The following MROH1 variants were observed in gnomAD, a reference collection of about 807,000 sequenced individuals.
MROH1 encodes maestro heat like repeat family member 1.
In MROH1, 117 loss-of-function variants were observed where a neutral mutation model predicts 116.5. That is an observed-to-expected ratio of 1.00 (90% CI 0.86 to 1.17). The LOEUF (loss-of-function observed/expected upper bound fraction) is 1.17, where lower values mean the gene tolerates loss of function less well. MROH1 is among the 50% of genes most tolerant of loss of function. The pLI is 0.00. For missense variants in MROH1, 1,873 were observed against 1,338.5 expected (o/e 1.40, Z -6.23); for synonymous variants, 921 against 583.9 (o/e 1.58, Z -8.32).
At chr8:144,258,739 G>T in intron 35 of MROH1, 38 bp from the exon 36 acceptor site, 2 of 746,844 alleles carry the variant, frequency 2.7e-6, no homozygotes, top group Admixed American at 1.8e-5. Context: ...AGGTAGGCGT[G>T]TGTGCCCTAC....
intron 13 of MROH1, among the ~76,000 whole-genome samples, chr8:144,222,495 C>T (rs560596718): frequency 5.3e-5 from 8 of 152,202 alleles, no homozygotes; most frequent in African/African-American, 1.9e-4. Flanking sequence ...CAGACACAGG[C>T]GCAGGTGCAG....
intron 14 of MROH1, among the ~76,000 whole-genome samples, chr8:144,235,898 A>G (rs975933956): frequency 1.3e-5 from 2 of 152,232 alleles, no homozygotes; most frequent in Non-Finnish European, 2.9e-5. Flanking sequence ...GTGTCCCTTT[A>G]TCACTGACTA....
chr8:144,199,842 G>A (rs1830713080), intron 11 of MROH1, among the ~76,000 whole-genome samples: 1 of 152,198 alleles, frequency 6.6e-6, no homozygotes, highest in Admixed American at 6.5e-5. Context: ...GAGGGGTGTG[G>A]GGAGACTGAC....
chr8:144,186,413 C>T lies in MROH1; in HGVS notation c.563-4371C>T, dbSNP rs565473966. 1.4e-3 allele frequency among the ~76,000 whole-genome samples: 216 copies of T among 152,214 alleles called. 1 individual carries two copies. Among genetic ancestry groups the T allele is most frequent in the Non-Finnish European group, 1.8e-3 (122 of 68,004 alleles). ...CTGGGATTACAGGCATGAGCCACTG[C>T]GCCCGGCCCCAAATTATTTTTGTGA... On this transcript the variant is annotated intron_variant, in intron 7 of 43. Transcript: ENST00000326134.
At chr8:144,223,370 T>C in intron 14 of MROH1, 140 bp downstream of exon 14, 1 of 1,130,138 alleles carries the variant, frequency 8.8e-7, no homozygotes. Context: ...CTCTGCTGTC[T>C]TTTGTTTAAT....
chr8:144,200,226 C>T (rs973994781), intron 11 of MROH1, among the ~76,000 whole-genome samples: 6 of 152,256 alleles, frequency 3.9e-5, no homozygotes, highest in Non-Finnish European at 5.9e-5. Flanking sequence ...GTGCTGGCGC[C>T]GTGGGATAAG....
intron 10 of MROH1, among the ~76,000 whole-genome samples, chr8:144,195,672 T>TA (rs1176006334): frequency 6.6e-6 from 1 of 151,920 alleles, no homozygotes; most frequent in African/African-American, 2.4e-5. Flanking sequence ...TTGTATTATA[T>TA]ATGTAAAAAT....
chr8:144,260,960 C>T lies in MROH1; in HGVS notation c.4590C>T (p.Leu1530=). 1.3e-6 allele frequency: 1 copy of T among 777,734 alleles called. No homozygotes were observed. 48.2% of individuals were successfully genotyped at this position (777,734 alleles called of 1,614,324 possible). The change falls in exon 41 of 44, where the codon CTC becomes CTT. Residue 1530 remains leucine (L), a synonymous_variant. Transcript: ENST00000326134. ...MCGPNLACEE[L]SAAFQKHLQE... is the part of the protein sequence containing the mutation. ...GCCCCAATCTGGCATGTGAGGAGCTCTCAGCTGCTTTCCAGAAACACCTGC... is the reference window on the plus strand; with the variant it reads ...GCCCCAATCTGGCATGTGAGGAGCTTTCAGCTGCTTTCCAGAAACACCTGC...
intron 14 of MROH1, among the ~76,000 whole-genome samples, chr8:144,225,219 C>A (rs570570547): frequency 7.9e-5 from 12 of 152,136 alleles, no homozygotes. Flanking sequence ...TTCTTGTGCC[C>A]ATTTTCAAAT....
At chr8:144,157,958 T>TGAGCCAC (rs1253256024) in intron 1 of MROH1, among the ~76,000 whole-genome samples, 1 of 150,650 alleles carries the variant, frequency 6.6e-6, no homozygotes, top group Non-Finnish European at 1.5e-5. Context: ...ATTACAGGCA[T>TGAGCCAC]GAGCCACTGC....
chr8:144,166,425 G>A (rs1031630542), intron 3 of MROH1, among the ~76,000 whole-genome samples: 6 of 152,194 alleles, frequency 3.9e-5, no homozygotes, highest in African/African-American at 1.2e-4. Flanking sequence ...CGCAGGCCCC[G>A]GTTCAGCTCT....
intron 12 of MROH1, among the ~76,000 whole-genome samples, chr8:144,201,764 G>C (rs915691888): frequency 1.4e-4 from 22 of 152,152 alleles, no homozygotes; most frequent in South Asian, 1.0e-3. Context: ...TGTAATCCCA[G>C]CACTTTGGGA....
intron 14 of MROH1, among the ~76,000 whole-genome samples, chr8:144,235,209 T>C (rs1839850073): frequency 1.3e-5 from 2 of 152,258 alleles, no homozygotes; most frequent in Admixed American, 6.5e-5. Context: ...AATTATTCTT[T>C]CATATCGATC....
chr8:144,218,978 G>A (rs1262094098), intron 12 of MROH1, among the ~76,000 whole-genome samples: 1 of 138,844 alleles, frequency 7.2e-6, no homozygotes, highest in Non-Finnish European at 1.5e-5. Context: ...GGGACTATAG[G>A]TGTGCACTAC....
chr8:144,181,788 G>A (rs1825780943), intron 7 of MROH1, among the ~76,000 whole-genome samples: 1 of 152,180 alleles, frequency 6.6e-6, no homozygotes, highest in East Asian at 1.9e-4. Flanking sequence ...GGCGGAGACA[G>A]AACGGGGCCG....
At position 144,241,349 on chromosome 8, in the gene MROH1, G is replaced by A. The variant is rs1257197774; in HGVS notation, c.2056-46G>A. On this transcript the variant is annotated intron_variant, in intron 21 of 43. Coordinates refer to ENST00000326134, the MANE Select transcript of MROH1 (RefSeq NM_032450.3). ...ACGTGACAGTGTGCGTGCATGTGTG[G>A]CAGTGCGTGCTCTTCCCTGCCCGGG... The A allele has an allele frequency of 2.4e-5, 18 of 737,168 alleles. No homozygotes were observed. In the African/African-American group the frequency reaches 2.8e-4, roughly 11 times the overall value. The allele number at this position is 737,168 out of a possible 1,614,324, so 45.7% of individuals were successfully genotyped here.
rs758347699 is a variant in MROH1, at chr8:144,192,317, C to T, written c.864C>T (p.Gly288=). 1 of 1,594,310 alleles carries T rather than the reference C, an allele frequency of 6.3e-7. No homozygotes were observed. The highest frequency in any genetic ancestry group is 8.5e-7 in the Non-Finnish European group (1 of 1,173,134). Residue 288 remains glycine, a synonymous_variant, in exon 10 of 44, where the codon GGC becomes GGT. Transcript: ENST00000326134. ...AETFYLSKSL[G]QILEAAVSVG... ...CTCCCTACCCGGAGCAGAGCCTGGG[C>T]CAGATCCTCGAGGCAGCTGTGAGTG... is the stretch of plus-strand genomic sequence containing the variant.
At chr8:144,255,917 CCCT>C (rs1554832761) in intron 35 of MROH1, among the ~76,000 whole-genome samples, 3 of 152,250 alleles carry the variant, frequency 2.0e-5, no homozygotes, top group Admixed American at 2.0e-4. Flanking sequence ...GTGAAGGCCT[CCCT>C]CCTCGCCTCT....
chr8:144,167,085 G>A (rs1283447885), intron 3 of MROH1, among the ~76,000 whole-genome samples: 2 of 152,176 alleles, frequency 1.3e-5, no homozygotes, highest in African/African-American at 4.8e-5. Flanking sequence ...GGTGCCTCCT[G>A]GGATGTCCTC....
Sources: gnomAD v4.1 joint callset for allele counts (sites outside exome capture counted in the v4.1 genomes callset) on GRCh38, gnomAD v4.1.1 for gene constraint, MANE v1.5 for transcripts, NCBI Gene and HGNC (gene_info 2026-07-23, HGNC 2026-07-21) for gene names.